DAB1: variants seen among roughly 807,000 people sequenced by gnomAD.
DAB1 encodes the protein DAB adaptor protein 1.
In DAB1, 15 loss-of-function variants were observed where a neutral mutation model predicts 64.6. The observed-to-expected ratio is 0.23, with a 90% CI of 0.16 to 0.36. DAB1 has a LOEUF of 0.36. Among genes scored for constraint, DAB1 ranks in the 10% least tolerant of loss-of-function variants. The pLI is 1.00. For synonymous variants in DAB1, 235 were observed against 251.9 expected (o/e 0.93, Z 0.64); for missense variants, 596 against 706.7 (o/e 0.84, Z 1.78).
At chr1:57,682,088 T>A (rs939350904) in intron 6 of DAB1, among the ~76,000 whole-genome samples, 1 of 151,790 alleles carries the variant, frequency 6.6e-6, no homozygotes, top group Non-Finnish European at 1.5e-5. Context: ...CCAGCAACAA[T>A]AAAGTGAAAG....
At chr1:57,759,950 C>T (rs557564974) in intron 6 of DAB1, among the ~76,000 whole-genome samples, 1 of 152,152 alleles carries the variant, frequency 6.6e-6, no homozygotes, top group South Asian at 2.1e-4. Flanking sequence ...TATACAGGGA[C>T]CTTTGTATGC....
chr1:57,324,617 A>G (rs1003194590), intron 1 of DAB1, among the ~76,000 whole-genome samples: 1 of 152,132 alleles, frequency 6.6e-6, no homozygotes, highest in Non-Finnish European at 1.5e-5. Flanking sequence ...ATACATAACT[A>G]TCCAAAACCC....
At chr1:58,001,394 G>C (rs1325464686) in intron 5 of DAB1, among the ~76,000 whole-genome samples, 1 of 152,116 alleles carries the variant, frequency 6.6e-6, no homozygotes, top group South Asian at 2.1e-4. Context: ...CTCCTGAGTT[G>C]CTGGGATTAC....
chr1:57,229,012 T>G (rs1667475086), intron 2 of DAB1, among the ~76,000 whole-genome samples: 1 of 152,208 alleles, frequency 6.6e-6, no homozygotes. Flanking sequence ...TCCATTTTTA[T>G]AAAGTTCCAA....
chr1:57,927,885 T>A (rs138323814), intron 5 of DAB1, among the ~76,000 whole-genome samples: 1 of 152,326 alleles, frequency 6.6e-6, no homozygotes, highest in African/African-American at 2.4e-5. Flanking sequence ...CACTCACTAC[T>A]AAATATTTTA....
chr1:57,404,287 G>A (rs113390296), intron 1 of DAB1, among the ~76,000 whole-genome samples: 20 of 152,162 alleles, frequency 1.3e-4, no homozygotes, highest in Admixed American at 5.9e-4. Context: ...AGTAAAACAC[G>A]TCTAGCAAAA....
At position 57,526,004 on chromosome 1, in the gene DAB1, C is replaced by T. The variant is rs1190565863; in HGVS notation, n.625+123588G>A. On this transcript the variant is annotated intron_variant and non_coding_transcript_variant, in intron 7 of 20. Coordinates refer to the DAB1 transcript ENST00000485760. ...CCAGGCTGGAGTGCAGTGGCACTAT[C>T]TCAGCTCACTGCAACCTCCGCCTCC... 2.0e-5 allele frequency among the ~76,000 whole-genome samples: 3 copies of T among 148,080 alleles called. No homozygotes were observed. The East Asian group carries it at 6.0e-4, about 29-fold the overall frequency.
At chr1:57,030,031 C>G (rs563384777) in intron 9 of DAB1, among the ~76,000 whole-genome samples, 6 of 152,028 alleles carry the variant, frequency 3.9e-5, no homozygotes, top group African/African-American at 1.4e-4. Context: ...TGGCTGTGTC[C>G]CCACCCAAAT....
intron 2 of DAB1, among the ~76,000 whole-genome samples, chr1:57,237,425 T>A (rs1305757791): frequency 1.3e-5 from 2 of 152,210 alleles, no homozygotes; most frequent in Non-Finnish European, 2.9e-5. Flanking sequence ...TTATCATTCA[T>A]CCAAAAGAAT....
intron 3 of DAB1, among the ~76,000 whole-genome samples, chr1:58,380,278 G>A (rs1644374825): frequency 1.3e-5 from 2 of 152,178 alleles, no homozygotes; most frequent in African/African-American, 4.8e-5. Context: ...CATAAGATCA[G>A]ATGGTTTTAT....
intron 3 of DAB1, among the ~76,000 whole-genome samples, chr1:58,464,920 G>A (rs1425024095): frequency 6.6e-6 from 1 of 152,170 alleles, no homozygotes; most frequent in African/African-American, 2.4e-5. Context: ...CGGGGCAGGA[G>A]AGGACCTTAG....
intron 3 of DAB1, among the ~76,000 whole-genome samples, chr1:58,411,866 G>A (rs547154366): frequency 1.5e-4 from 23 of 152,126 alleles, no homozygotes; most frequent in Non-Finnish European, 3.2e-4. Flanking sequence ...TGCTTTTGCT[G>A]TTTCCCCACC....
intron 5 of DAB1, among the ~76,000 whole-genome samples, chr1:58,147,516 T>C (rs1218874704): frequency 2.0e-5 from 3 of 148,644 alleles, no homozygotes. Context: ...TACTCGAGGC[T>C]GAGGCAGGAG....
chr1:58,299,306 C>T (rs931719862), intron 4 of DAB1, among the ~76,000 whole-genome samples: 2 of 152,138 alleles, frequency 1.3e-5, no homozygotes, highest in Non-Finnish European at 2.9e-5. Flanking sequence ...GTATGTCCTT[C>T]CCACAGTCCT....
intron 6 of DAB1, among the ~76,000 whole-genome samples, chr1:57,755,683 A>G (rs993205764): frequency 1.3e-5 from 2 of 152,088 alleles, no homozygotes; most frequent in African/African-American, 4.8e-5. Context: ...TCCTCTTCAG[A>G]ATGTCTTCTT....
At chr1:57,373,746 G>T (rs949653351) in intron 1 of DAB1, among the ~76,000 whole-genome samples, 1 of 152,158 alleles carries the variant, frequency 6.6e-6, no homozygotes, top group African/African-American at 2.4e-5. Flanking sequence ...AAATCAGGGA[G>T]GGTGGCTCTC....
At chr1:58,132,464 C>A (rs182158026) in intron 5 of DAB1, among the ~76,000 whole-genome samples, 153 of 152,256 alleles carry the variant, frequency 1.0e-3, no homozygotes, top group African/African-American at 3.6e-3. Flanking sequence ...TGTTCCTATT[C>A]GGCCATCTTG....
At chr1:58,208,588 G>A (rs2100285269) in intron 4 of DAB1, among the ~76,000 whole-genome samples, 1 of 152,248 alleles carries the variant, frequency 6.6e-6, no homozygotes, top group East Asian at 1.9e-4. Flanking sequence ...ATAATGGTCT[G>A]CAACTCCATC....
At chr1:57,372,292 C>T (rs1395662722) in intron 1 of DAB1, among the ~76,000 whole-genome samples, 5 of 152,140 alleles carry the variant, frequency 3.3e-5, no homozygotes, top group Non-Finnish European at 7.4e-5. Flanking sequence ...CCCAAGTCTG[C>T]CTTTGGATTT....
Sources: gnomAD v4.1 joint callset for allele counts (sites outside exome capture counted in the v4.1 genomes callset) on GRCh38, gnomAD v4.1.1 for gene constraint, MANE v1.5 for transcripts, NCBI Gene and HGNC (gene_info 2026-07-23, HGNC 2026-07-21) for gene names.